Variants in DYM observed in about 807,000 individuals in gnomAD.
The protein encoded by DYM is dymeclin.
DYM carries 78 observed loss-of-function variants against 93.1 expected under a neutral mutation model. That is an observed-to-expected ratio of 0.84 (90% CI 0.70 to 1.01). DYM has a LOEUF of 1.01. Ranked by LOEUF, DYM falls within the 50% of genes least tolerant of loss-of-function variation. The pLI is 0.00. For synonymous variants in DYM, 321 were observed against 319.7 expected (o/e 1.00, Z -0.04); for missense variants, 789 against 845.0 (o/e 0.93, Z 0.82).
chr18:49,275,787 CA>C (rs1229766715), intron 10 of DYM, among the ~76,000 whole-genome samples: 1 of 152,130 alleles, frequency 6.6e-6, no homozygotes, highest in East Asian at 1.9e-4. Flanking sequence ...GTAGTTTTCA[CA>C]GTGTAAGTTT....
chr18:49,109,225 A>AC (rs35132395), intron 16 of DYM, among the ~76,000 whole-genome samples: 22,994 of 152,042 alleles, frequency 0.15, 2,492 homozygotes, highest in African/African-American at 0.31. Flanking sequence ...ATTGGCATGT[A>AC]GGATTTAAAT....
intron 13 of DYM, among the ~76,000 whole-genome samples, chr18:49,226,237 G>C (rs991390634): frequency 1.3e-5 from 2 of 152,112 alleles, no homozygotes; most frequent in African/African-American, 4.8e-5. Context: ...GTATACCACT[G>C]TCCCTTGTTT....
intron 6 of DYM, among the ~76,000 whole-genome samples, chr18:49,357,899 C>T (rs2065703841): frequency 6.6e-6 from 1 of 152,160 alleles, no homozygotes; most frequent in Admixed American, 6.5e-5. Context: ...CCTGTAATCC[C>T]AGCACTTTAG....
chr18:49,383,671 C>T (rs146285468), intron 3 of DYM, among the ~76,000 whole-genome samples: 37 of 152,314 alleles, frequency 2.4e-4, no homozygotes, highest in Non-Finnish European at 4.3e-4. Flanking sequence ...TTTTTCTGAA[C>T]AGCCAACATT....
At chr18:49,442,757 C>T (rs1347729952) in intron 1 of DYM, among the ~76,000 whole-genome samples, 2 of 152,148 alleles carry the variant, frequency 1.3e-5, no homozygotes, top group Non-Finnish European at 2.9e-5. Context: ...ACACTCACCA[C>T]AAACTATGGC....
chr18:49,295,566 T>C (rs886735516), intron 8 of DYM, among the ~76,000 whole-genome samples: 4 of 152,050 alleles, frequency 2.6e-5, no homozygotes, highest in Non-Finnish European at 4.4e-5. Flanking sequence ...TAAAACAAGA[T>C]TGGAGGAACT....
chr18:49,127,804 G>T (rs2082961778), intron 15 of DYM, among the ~76,000 whole-genome samples: 1 of 152,202 alleles, frequency 6.6e-6, no homozygotes, highest in African/African-American at 2.4e-5. Context: ...AGAAAGAACA[G>T]GTTTTATATT....
chr18:49,228,018 C>T (rs541719789), intron 13 of DYM, among the ~76,000 whole-genome samples: 4 of 152,250 alleles, frequency 2.6e-5, no homozygotes, highest in Non-Finnish European at 2.9e-5. Context: ...ATGCTTCCTA[C>T]CAACATGCAA....
intron 8 of DYM, among the ~76,000 whole-genome samples, chr18:49,310,117 G>A (rs2061502162): frequency 6.6e-6 from 1 of 152,188 alleles, no homozygotes; most frequent in Non-Finnish European, 1.5e-5. Context: ...TTAAGAATAG[G>A]AAGTGCTTTG....
At chr18:49,422,121 C>T (rs1339885027) in intron 2 of DYM, among the ~76,000 whole-genome samples, 1 of 152,178 alleles carries the variant, frequency 6.6e-6, no homozygotes, top group Non-Finnish European at 1.5e-5. Flanking sequence ...CCTAGTAAGG[C>T]AGGCCAACAT....
chr18:49,048,180 C>G (rs1161225728), intron 17 of DYM: 1 of 152,126 alleles, frequency 6.6e-6, no homozygotes, highest in Non-Finnish European at 1.5e-5. Context: ...CGCTGCTGGT[C>G]CTTAAAAAAA....
At chr18:49,135,606 A>G (rs142192469) in intron 15 of DYM, among the ~76,000 whole-genome samples, 139 of 152,350 alleles carry the variant, frequency 9.1e-4, no homozygotes, top group African/African-American at 3.2e-3. Context: ...CTTATTAGGT[A>G]CAGATGTATT....
intron 1 of DYM, among the ~76,000 whole-genome samples, chr18:49,451,350 G>C (rs1435441619): frequency 6.6e-6 from 1 of 152,198 alleles, no homozygotes; most frequent in East Asian, 1.9e-4. Context: ...TTGACTGGAA[G>C]TGTATGCTTC....
At chr18:49,436,089 T>C (rs2080836876) in intron 1 of DYM, among the ~76,000 whole-genome samples, 1 of 152,234 alleles carries the variant, frequency 6.6e-6, no homozygotes, top group Non-Finnish European at 1.5e-5. Flanking sequence ...CATAATTCAC[T>C]GTAGCTTCAA....
chr18:49,285,663 T>G (rs2095104954), intron 9 of DYM, among the ~76,000 whole-genome samples: 1 of 152,212 alleles, frequency 6.6e-6, no homozygotes, highest in African/African-American at 2.4e-5. Flanking sequence ...CATCTAGGTT[T>G]GTCTAAGTAC....
intron 13 of DYM, among the ~76,000 whole-genome samples, chr18:49,221,289 C>T (rs1313183885): frequency 6.6e-6 from 1 of 152,120 alleles, no homozygotes; most frequent in East Asian, 1.9e-4. Flanking sequence ...GAAATAGGAA[C>T]ACTTTTACAC....
At chr18:49,134,249 T>A (rs78383188) in intron 15 of DYM, among the ~76,000 whole-genome samples, 1 of 152,316 alleles carries the variant, frequency 6.6e-6, no homozygotes, top group East Asian at 1.9e-4. Flanking sequence ...ATGATCCAAC[T>A]TCACTGGGTG....
chr18:49,327,531 GT>G (rs1252558521), intron 8 of DYM, among the ~76,000 whole-genome samples: 1 of 151,730 alleles, frequency 6.6e-6, no homozygotes, highest in Admixed American at 6.6e-5. Context: ...TAATTTTTGT[GT>G]TTTTTATAGA....
chr18:49,115,756 A>G (rs2081871010), intron 16 of DYM, among the ~76,000 whole-genome samples: 1 of 152,266 alleles, frequency 6.6e-6, no homozygotes, highest in African/African-American at 2.4e-5. Context: ...TACTATTTTA[A>G]TATTACAGTG....
Sources: allele counts gnomAD v4.1 joint callset (sites outside exome capture counted in the v4.1 genomes callset), GRCh38; gene constraint gnomAD v4.1.1; transcripts MANE v1.5; gene names NCBI Gene and HGNC (gene_info 2026-07-23, HGNC 2026-07-21).